SPTSSB: variants seen among roughly 807,000 people sequenced by gnomAD.
SPTSSB encodes serine palmitoyltransferase small subunit B.
A neutral mutation model predicts 7.7 loss-of-function variants in SPTSSB; 6 were observed. The ratio of observed to expected loss-of-function variants is 0.78; its 90% confidence interval spans 0.43 to 1.54. The LOEUF (loss-of-function observed/expected upper bound fraction) is 1.54. Ranked by LOEUF, SPTSSB falls within the 40% of genes most tolerant of loss-of-function variation. The pLI is 0.01. For missense variants in SPTSSB, 91 were observed against 93.0 expected (o/e 0.98, Z 0.09); for synonymous variants, 28 against 29.7 (o/e 0.94, Z 0.19).
At chr3:161,348,794 C>T (rs1056039908) in intron 2 of SPTSSB, among the ~76,000 whole-genome samples, 2 of 152,046 alleles carry the variant, frequency 1.3e-5, no homozygotes, top group African/African-American at 4.8e-5. Context: ...GTCTCTTTTT[C>T]TCTGATTCAT....
chr3:161,349,030 G>GA (rs1194893018), intron 2 of SPTSSB, among the ~76,000 whole-genome samples: 2 of 152,016 alleles, frequency 1.3e-5, no homozygotes, highest in Admixed American at 6.6e-5. Flanking sequence ...AGATTAAAAG[G>GA]AAAAAACCAC....
intron 1 of SPTSSB, among the ~76,000 whole-genome samples, chr3:161,367,624 A>C (rs1715276594): frequency 6.6e-6 from 1 of 152,230 alleles, no homozygotes; most frequent in African/African-American, 2.4e-5. Flanking sequence ...GGAACATATT[A>C]ATTATTTGGG....
intron 1 of SPTSSB, among the ~76,000 whole-genome samples, chr3:161,369,974 A>G (rs1715438711): frequency 6.6e-6 from 1 of 152,226 alleles, no homozygotes; most frequent in African/African-American, 2.4e-5. Flanking sequence ...TTATTTATCT[A>G]TAATTTTCAC....
intron 2 of SPTSSB, among the ~76,000 whole-genome samples, chr3:161,350,075 A>T (rs1471857859): frequency 6.6e-6 from 1 of 152,174 alleles, no homozygotes. Context: ...GGTAACACGA[A>T]CACTGCTGTA....
intron 2 of SPTSSB, among the ~76,000 whole-genome samples, chr3:161,354,051 C>T (rs1425547927): frequency 2.0e-5 from 3 of 152,008 alleles, no homozygotes; most frequent in Admixed American, 6.6e-5. Context: ...GGAAGAAAAT[C>T]GAACAACCAT....
chr3:161,352,806 A>AT (rs1369628698), intron 2 of SPTSSB, among the ~76,000 whole-genome samples: 20 of 152,306 alleles, frequency 1.3e-4, no homozygotes, highest in Admixed American at 1.3e-3. Context: ...CTGGTGCTAA[A>AT]TTTTTAAAAA....
chr3:161,349,804 A>G (rs1392136695), intron 2 of SPTSSB, among the ~76,000 whole-genome samples: 1 of 152,342 alleles, frequency 6.6e-6, no homozygotes, highest in East Asian at 1.9e-4. Flanking sequence ...GAAGTCCACT[A>G]AAAGGTTATT....
At chr3:161,357,398 G>T (rs1714814003) in intron 2 of SPTSSB, among the ~76,000 whole-genome samples, 1 of 152,176 alleles carries the variant, frequency 6.6e-6, no homozygotes, top group African/African-American at 2.4e-5. Context: ...TCCTTCACCT[G>T]CTCCCAGCCA....
At chr3:161,348,625 G>T (rs536483898) in intron 2 of SPTSSB, among the ~76,000 whole-genome samples, 6 of 152,280 alleles carry the variant, frequency 3.9e-5, no homozygotes, top group East Asian at 3.9e-4. Flanking sequence ...CCCCAAATCT[G>T]CAATGACTTT....
chr3:161,360,510 G>T (rs1328382776), intron 1 of SPTSSB, among the ~76,000 whole-genome samples: 2 of 152,044 alleles, frequency 1.3e-5, no homozygotes, highest in Non-Finnish European at 2.9e-5. Flanking sequence ...GCATATATTA[G>T]GTGTGAGAAT....
intron 2 of SPTSSB, among the ~76,000 whole-genome samples, chr3:161,349,319 G>A (rs1714412726): frequency 6.6e-6 from 1 of 152,090 alleles, no homozygotes. Context: ...TGCATTTGAG[G>A]AAATAAGATG....
chr3:161,370,310 A>C (rs952025966), intron 1 of SPTSSB, among the ~76,000 whole-genome samples: 6 of 152,196 alleles, frequency 3.9e-5, no homozygotes, highest in African/African-American at 1.4e-4. Flanking sequence ...TGTTTTGACA[A>C]ATAATTTTTA....
chr3:161,358,662 TG>T (rs79602508), intron 2 of SPTSSB, among the ~76,000 whole-genome samples: 7,123 of 152,206 alleles, frequency 0.047, 244 homozygotes, highest in African/African-American at 0.089. Flanking sequence ...TGACTTTTAT[TG>T]GTTACTAAAT....
chr3:161,356,335 T>C (rs967449682), intron 2 of SPTSSB, among the ~76,000 whole-genome samples: 5 of 152,218 alleles, frequency 3.3e-5, no homozygotes, highest in African/African-American at 1.2e-4. Context: ...CCATGAAAAG[T>C]TAAGCCTTTT....
intron 2 of SPTSSB, among the ~76,000 whole-genome samples, chr3:161,354,674 A>G (rs1174416699): frequency 6.6e-6 from 1 of 152,202 alleles, no homozygotes; most frequent in Non-Finnish European, 1.5e-5. Context: ...TTCCATTTGT[A>G]TTAACACTAA....
chr3:161,350,942 T>C (rs6441375), intron 2 of SPTSSB, among the ~76,000 whole-genome samples: 7,720 of 152,148 alleles, frequency 0.051, 511 homozygotes, highest in African/African-American at 0.14. Flanking sequence ...CAATAACCCA[T>C]AGATCCAGCC....
intron 2 of SPTSSB, among the ~76,000 whole-genome samples, chr3:161,357,562 G>A (rs926294415): frequency 5.3e-5 from 8 of 152,280 alleles, no homozygotes; most frequent in Middle Eastern, 3.4e-3. Flanking sequence ...GTAGTAAGTC[G>A]GATATTAGCC....
chr3:161,366,471 T>C (rs1055780040), intron 1 of SPTSSB, among the ~76,000 whole-genome samples: 2 of 152,146 alleles, frequency 1.3e-5, no homozygotes, highest in Non-Finnish European at 2.9e-5. Context: ...AAACCAAAGC[T>C]TCCCAGGGGA....
intron 2 of SPTSSB, among the ~76,000 whole-genome samples, chr3:161,356,202 T>C (rs1455637945): frequency 1.3e-5 from 2 of 152,222 alleles, no homozygotes; most frequent in Non-Finnish European, 2.9e-5. Context: ...GAAATTCTAA[T>C]AGCTTAATCT....
Sources: allele counts gnomAD v4.1 joint callset (sites outside exome capture counted in the v4.1 genomes callset), GRCh38; gene constraint gnomAD v4.1.1; transcripts MANE v1.5; gene names NCBI Gene and HGNC (gene_info 2026-07-23, HGNC 2026-07-21).